Variants in SPTLC2 observed in about 807,000 individuals in gnomAD.
SPTLC2 encodes the protein serine palmitoyltransferase 2.
Under a neutral mutation model 62.0 loss-of-function variants are expected in SPTLC2, and 21 were observed. That is an observed-to-expected ratio of 0.34 (90% confidence interval 0.24 to 0.49). The LOEUF (loss-of-function observed/expected upper bound fraction) is 0.49, where lower values mean the gene tolerates loss of function less well. Ranked by LOEUF, SPTLC2 falls within the 20% of genes least tolerant of loss-of-function variation. The probability of loss-of-function intolerance (pLI) is 0.99; values close to 1 mark genes in which losing one functional copy is unlikely to be tolerated. For synonymous variants in SPTLC2, 261 were observed against 261.8 expected (o/e 1.00, Z 0.03); for missense variants, 511 against 713.0 (o/e 0.72, Z 3.23).
intron 8 of SPTLC2, among the ~76,000 whole-genome samples, chr14:77,552,772 C>T (rs1418848098): frequency 1.4e-5 from 2 of 148,034 alleles, no homozygotes; most frequent in Non-Finnish European, 3.0e-5. Context: ...CGCCATTGCA[C>T]TCCAGCCTGG....
At chr14:77,596,191 T>C (rs1045289769) in intron 2 of SPTLC2, among the ~76,000 whole-genome samples, 1 of 151,852 alleles carries the variant, frequency 6.6e-6, no homozygotes, top group African/African-American at 2.4e-5. Flanking sequence ...CAAAAAAAAT[T>C]AGCCGGGCAC....
chr14:77,559,127 CT>C (rs2079601188), intron 6 of SPTLC2, among the ~76,000 whole-genome samples: 1 of 152,042 alleles, frequency 6.6e-6, no homozygotes, highest in Non-Finnish European at 1.5e-5. Context: ...CGAGACCAGA[CT>C]GACCAACATG....
chr14:77,532,285 T>C (rs111508255), intron 9 of SPTLC2, among the ~76,000 whole-genome samples: 2,330 of 152,308 alleles, frequency 0.015, 61 homozygotes, highest in African/African-American at 0.053. Context: ...TCTTTCCCTT[T>C]CTCTCTTTAA....
rs61990795 is a variant in SPTLC2 at position 77,594,944 on chromosome 14, A to T, written c.327+2242T>A. Among the ~76,000 whole-genome samples the T allele has an allele frequency of 7.5e-3, 1,142 of 152,340 alleles. 7 individuals are homozygous for T. The highest frequency in any genetic ancestry group is 0.012 in the Non-Finnish European group (800 of 68,030). ...GTAGGAGGATACAGGCCTGTGAACA[A>T]GTAACTACAATACTGTACAACCTAG... On this transcript the variant is annotated intron_variant, in intron 2 of 11. Transcript: ENST00000216484.
intron 9 of SPTLC2, among the ~76,000 whole-genome samples, chr14:77,529,044 G>A (rs1424264200): frequency 4.0e-5 from 6 of 151,870 alleles, no homozygotes; most frequent in African/African-American, 1.5e-4. Context: ...CACCATGTTG[G>A]CCAGGCTGGT....
At chr14:77,529,961 C>A (rs1044376702) in intron 9 of SPTLC2, among the ~76,000 whole-genome samples, 8 of 152,102 alleles carry the variant, frequency 5.3e-5, no homozygotes, top group Non-Finnish European at 8.8e-5. Flanking sequence ...AACTGCTAGC[C>A]TGCCTTATCT....
chr14:77,587,396 G>A (rs2079787866), intron 2 of SPTLC2, among the ~76,000 whole-genome samples: 1 of 152,086 alleles, frequency 6.6e-6, no homozygotes, highest in African/African-American at 2.4e-5. Flanking sequence ...TGCAGGAAAT[G>A]CATATATCAG....
intron 1 of SPTLC2, among the ~76,000 whole-genome samples, chr14:77,615,253 G>A (rs1447921872): frequency 1.3e-5 from 2 of 152,116 alleles, no homozygotes; most frequent in Non-Finnish European, 2.9e-5. Flanking sequence ...ACAACTTCAG[G>A]GGAGGTCAAG....
At position 77,529,253 on chromosome 14, in the gene SPTLC2, CTTTTT is replaced by C. The variant is rs67561245; in HGVS notation, c.1304-7677_1304-7673del. Among the ~76,000 whole-genome samples, 319 of 122,172 alleles carry C rather than the reference CTTTTT, an allele frequency of 2.6e-3. 2 individuals carry two copies. Among genetic ancestry groups the C allele is most frequent in the African/African-American group, 8.0e-3 (283 of 35,198 alleles). The allele number at this position is 122,172 out of a possible 152,430, so 80.1% of individuals were successfully genotyped here. ...TGAAGTTTCTCTTTGAAAACTTCTT[CTTTTT>C]TTTTTTTTTTTTTTTTTAACAAATA... On this transcript the variant is annotated intron_variant, in intron 9 of 11. Coordinates refer to ENST00000216484, the MANE Select transcript of SPTLC2 (RefSeq NM_004863.4).
chr14:77,608,327 G>C (rs988588952), intron 1 of SPTLC2, among the ~76,000 whole-genome samples: 2 of 152,142 alleles, frequency 1.3e-5, no homozygotes, highest in African/African-American at 4.8e-5. Flanking sequence ...ACTTATGTCT[G>C]TAACATTATT....
At chr14:77,527,621 T>C (rs991523887) in intron 9 of SPTLC2, among the ~76,000 whole-genome samples, 3 of 152,192 alleles carry the variant, frequency 2.0e-5, no homozygotes, top group African/African-American at 7.2e-5. Context: ...ATGCATGTAA[T>C]CTTAAGGTTA....
chr14:77,597,441 A>C (rs2079853591), intron 1 of SPTLC2, 61 bp from the exon 2 acceptor site: 1 of 1,488,746 alleles, frequency 6.7e-7, no homozygotes, highest in Non-Finnish European at 9.3e-7. Flanking sequence ...CCTACCTAAA[A>C]TCTAGGTCCT....
intron 1 of SPTLC2, among the ~76,000 whole-genome samples, chr14:77,602,928 C>T (rs2079885900): frequency 6.6e-6 from 1 of 152,090 alleles, no homozygotes; most frequent in South Asian, 2.1e-4. Context: ...TCCTCTATAG[C>T]AAAAGAAAAC....
At chr14:77,584,471 A>G (rs969091382) in intron 2 of SPTLC2, among the ~76,000 whole-genome samples, 5 of 152,054 alleles carry the variant, frequency 3.3e-5, no homozygotes, top group African/African-American at 4.8e-5. Context: ...ATATACTTAT[A>G]TATGTAAGTA....
intron 4 of SPTLC2, among the ~76,000 whole-genome samples, chr14:77,574,355 G>A (rs1216200431): frequency 6.6e-6 from 1 of 152,214 alleles, no homozygotes; most frequent in Non-Finnish European, 1.5e-5. Flanking sequence ...ATGACTGGAA[G>A]ATGATATAAA....
chr14:77,600,109 C>T (rs1475586578), intron 1 of SPTLC2, among the ~76,000 whole-genome samples: 1 of 152,172 alleles, frequency 6.6e-6, no homozygotes, highest in Non-Finnish European at 1.5e-5. Flanking sequence ...AGATATCCGC[C>T]TTGATTTCAG....
intron 9 of SPTLC2, among the ~76,000 whole-genome samples, chr14:77,541,623 T>C (rs2079501017): frequency 6.6e-6 from 1 of 152,180 alleles, no homozygotes; most frequent in African/African-American, 2.4e-5. Flanking sequence ...TTTAAAATGA[T>C]CAATGGTCAC....
At position 77,506,359 on chromosome 14, in the gene SPTLC2, T is replaced by C. The variant is rs760453978; in HGVS notation, c.*5925A>G. 1 of 152,200 alleles carries C rather than the reference T, an allele frequency of 6.6e-6. No homozygotes were observed. The highest frequency in any genetic ancestry group is 1.5e-5 in the Non-Finnish European group (1 of 68,044). 9.4% of individuals were successfully genotyped at this position (152,200 alleles called of 1,614,324 possible). A position where few individuals can be genotyped will look rare whatever the true frequency, so the allele number is the denominator to read the frequency against. The stretch of plus-strand genomic sequence containing the variant: ...TGCAAATTCCAGTTTACAGGTAACT[T>C]GGTCAGGGGAAAAATATGGGTCAAC... On this transcript the variant is annotated 3_prime_UTR_variant, in exon 12 of 12. Coordinates refer to ENST00000216484, the MANE Select transcript of SPTLC2 (RefSeq NM_004863.4).
intron 11 of SPTLC2, among the ~76,000 whole-genome samples, chr14:77,513,834 G>A (rs2079345363): frequency 6.6e-6 from 1 of 151,578 alleles, no homozygotes; most frequent in South Asian, 2.1e-4. Flanking sequence ...GGCGGAGGCT[G>A]CGGTGAGTTG....
Sources: gnomAD v4.1 joint callset for allele counts (sites outside exome capture counted in the v4.1 genomes callset) on GRCh38, gnomAD v4.1.1 for gene constraint, MANE v1.5 for transcripts, NCBI Gene and HGNC (gene_info 2026-07-23, HGNC 2026-07-21) for gene names.